TGM5: variants seen among roughly 807,000 people sequenced by gnomAD.
TGM5 encodes the protein protein-glutamine gamma-glutamyltransferase 5.
TGM5 carries 69 observed loss-of-function variants against 77.2 expected under a neutral mutation model. The ratio of observed to expected loss-of-function variants is 0.89; its 90% CI spans 0.74 to 1.09. The LOEUF (loss-of-function observed/expected upper bound fraction) is 1.09, where lower values mean the gene tolerates loss of function less well. Among genes scored for constraint, TGM5 ranks in the 50% least tolerant of loss-of-function variants. The pLI, the probability that TGM5 is intolerant of heterozygous loss-of-function variation, is 0.00. For missense variants in TGM5, 842 were observed against 896.5 expected, an observed-to-expected ratio of 0.94 and a Z score of 0.78; for synonymous variants, 346 against 351.8, an observed-to-expected ratio of 0.98 and a Z score of 0.18.
Position 43,239,158 on chromosome 15 carries a change from C to T in TGM5, c.1105+5G>A. On this transcript the variant is annotated splice_donor_5th_base_variant and intron_variant, in intron 8 of 12. Coordinates refer to ENST00000220420, the MANE Select transcript of TGM5 (RefSeq NM_201631.4). ...GGGGCCTGCCTTTCTTCTGGAGAGC[C>T]TCACCGTTGCTCATCTCCTGAGGTG... The T allele has an allele frequency of 6.2e-7, 1 of 1,614,116 alleles. No individual in the cohort carries two copies. Among genetic ancestry groups the T allele is most frequent in the Non-Finnish European group, 8.5e-7 (1 of 1,180,014 alleles).
Position 43,240,956 on chromosome 15 carries a change from G to T in TGM5, c.897C>A (p.Ile299=). ...TATCGTGGCCAGAGTCGAAGTTGGT[G>T]ATCACACGGGTAGGGATCCCCAGAC... ...MRCLGIPTRV[I]TNFDSGHDTD... Residue 299 remains isoleucine (I), a synonymous_variant, in exon 7 of 13, where the codon ATC becomes ATA. Coordinates refer to ENST00000220420, the MANE Select transcript of TGM5 (RefSeq NM_201631.4). The T allele has an allele frequency of 1.9e-6, 3 of 1,614,170 alleles. No individual in the cohort carries two copies. The highest frequency in any genetic ancestry group is 2.5e-6 in the Non-Finnish European group (3 of 1,180,028).
At chr15:43,249,147 A>AC (rs1438458212) in intron 6 of TGM5, among the ~76,000 whole-genome samples, 3 of 151,946 alleles carry the variant, frequency 2.0e-5, no homozygotes, top group Non-Finnish European at 4.4e-5. Flanking sequence ...ACACATTAGT[A>AC]CCTCCCAACC....
chr15:43,234,190 G>A (rs146030207), intron 11 of TGM5, among the ~76,000 whole-genome samples: 29 of 152,272 alleles, frequency 1.9e-4, no homozygotes, highest in African/African-American at 6.7e-4. Context: ...TTTCCCCACC[G>A]GAAGGGGCTC....
At chr15:43,238,717 T>C in intron 9 of TGM5, 100 bp downstream of exon 9, 2 of 1,537,010 alleles carry the variant, frequency 1.3e-6, no homozygotes, top group Non-Finnish European at 8.8e-7. Context: ...GAGGAGACAG[T>C]GGGGCTGGGT....
Position 43,240,988 on chromosome 15 carries a change from T to C in TGM5, c.865A>G (p.Met289Val). The change falls in exon 7 of 13, where the codon ATG (methionine) becomes GTG (valine). Residue 289 changes from methionine (M) to valine (V), a missense_variant and splice_region_variant. Coordinates refer to ENST00000220420, the MANE Select transcript of TGM5 (RefSeq NM_201631.4). The stretch of plus-strand genomic sequence containing the variant: ...CGGGTAGGGATCCCCAGACACCTCA[T>C]CACTGCAAAAAGGGCACAAAAAAAT... ...WVFAAVMCTV[M>V]RCLGIPTRVI... The C allele has an allele frequency of 6.2e-7, 1 of 1,614,116 alleles. No homozygotes were observed. The highest frequency in any genetic ancestry group is 8.5e-7 in the Non-Finnish European group (1 of 1,180,026).
chr15:43,243,998 C>T (rs1054005352), intron 6 of TGM5, among the ~76,000 whole-genome samples: 1 of 152,212 alleles, frequency 6.6e-6, no homozygotes, highest in Non-Finnish European at 1.5e-5. Context: ...AAACCCATGT[C>T]TCTCTGATCT....
At chr15:43,261,285 T>G (rs1001290195) in intron 1 of TGM5, among the ~76,000 whole-genome samples, 17 of 151,846 alleles carry the variant, frequency 1.1e-4, no homozygotes, top group Admixed American at 5.2e-4. Context: ...AAGACAGGGT[T>G]TCACCGTGTT....
chr15:43,234,488 T>C (rs1305368847), intron 11 of TGM5, among the ~76,000 whole-genome samples: 1 of 152,226 alleles, frequency 6.6e-6, no homozygotes, highest in Non-Finnish European at 1.5e-5. Flanking sequence ...ACTTTCCTTA[T>C]GTTGACCCAT....
intron 3 of TGM5, among the ~76,000 whole-genome samples, chr15:43,259,738 C>A (rs1036877886): frequency 7.9e-5 from 12 of 151,990 alleles, no homozygotes; most frequent in African/African-American, 2.4e-4. Context: ...GCATTCGTTC[C>A]TTTTATAACG....
Position 43,260,148 on chromosome 15 carries a change from G to T in TGM5, c.340C>A (p.Arg114=). 6.2e-7 allele frequency: 1 copy of T among 1,614,118 alleles called. No homozygotes were observed. Among genetic ancestry groups the T allele is most frequent in the South Asian group, 1.1e-5 (1 of 91,060 alleles). The change falls in exon 3 of 13, where the codon CGG becomes AGG. Residue 114 remains arginine, a synonymous_variant. Coordinates refer to ENST00000220420, the MANE Select transcript of TGM5 (RefSeq NM_201631.4). ...TCGATGTGGATTTTCAAGAGGTACC[G>T]ACCCACGGCCGCCGTGGGAGGAGCG... ...LCAPPTAAVG[R]YLLKIHIDSF... is the part of the protein sequence containing the mutation.
intron 6 of TGM5, among the ~76,000 whole-genome samples, chr15:43,242,390 A>G (rs1259399584): frequency 6.6e-6 from 1 of 151,638 alleles, no homozygotes; most frequent in Non-Finnish European, 1.5e-5. Context: ...TGAAACATTT[A>G]GTTGGTTTTC....
chr15:43,262,221 G>A (rs926867451), intron 1 of TGM5, among the ~76,000 whole-genome samples: 17 of 152,096 alleles, frequency 1.1e-4, no homozygotes, highest in African/African-American at 3.9e-4. Flanking sequence ...TACCTGAATC[G>A]CTCATCTGCT....
At chr15:43,255,206 T>G (rs577895089) in intron 4 of TGM5, among the ~76,000 whole-genome samples, 2 of 152,140 alleles carry the variant, frequency 1.3e-5, no homozygotes, top group South Asian at 4.1e-4. Context: ...TGGTGGGGCA[T>G]GCCTGTAGTC....
chr15:43,256,980 A>G (rs2042746527), intron 3 of TGM5, among the ~76,000 whole-genome samples: 1 of 152,248 alleles, frequency 6.6e-6, no homozygotes, highest in Non-Finnish European at 1.5e-5. Flanking sequence ...CAGAGTGATT[A>G]AGTAAATTGC....
In TGM5 at chr15:43,240,899, A is replaced by G. The variant is rs762272121; in HGVS notation, c.954T>C (p.Tyr318=). The change falls in exon 7 of 13, where the codon TAT becomes TAC. Residue 318 remains tyrosine, a synonymous_variant. Coordinates refer to ENST00000220420, the MANE Select transcript of TGM5 (RefSeq NM_201631.4). Reference sequence around the variant, plus strand: ...TCCCCAAAATCCTGCCTGTGTTGTCATAATACTCATCTATGATCAGGTTTC... The same window carrying G: ...TCCCCAAAATCCTGCCTGTGTTGTCGTAATACTCATCTATGATCAGGTTTC... ...TDGNLIIDEY[Y]DNTGRILGNK... The G allele has an allele frequency of 2.5e-6, 4 of 1,614,174 alleles. No individual in the cohort carries two copies. In the South Asian group the frequency reaches 3.3e-5, roughly 13 times the overall value.
At chr15:43,234,639 A>G in intron 11 of TGM5, 130 bp downstream of exon 11, 1 of 1,152,620 alleles carries the variant, frequency 8.7e-7, no homozygotes, top group Non-Finnish European at 1.3e-6. Flanking sequence ...TCCCTCCTGG[A>G]GCACCAGAAG....
At position 43,253,488 on chromosome 15, in the gene TGM5, G is replaced by A; in HGVS notation, c.684+18C>T. The A allele has an allele frequency of 6.2e-7, 1 of 1,609,322 alleles. No individual in the cohort carries two copies. Among genetic ancestry groups the A allele is most frequent in the Non-Finnish European group, 8.5e-7 (1 of 1,179,948 alleles). ...GCTGCACAGCTTCCTCCCTCCCCGG[G>A]CACGCCAGGGACCTCACCATGGCAC... On this transcript the variant is annotated intron_variant, in intron 5 of 12. Coordinates refer to ENST00000220420, the MANE Select transcript of TGM5 (RefSeq NM_201631.4).
At chr15:43,235,347 C>G in intron 10 of TGM5, 122 bp downstream of exon 10, 1 of 1,366,940 alleles carries the variant, frequency 7.3e-7, no homozygotes, top group Admixed American at 1.9e-5. Flanking sequence ...GGGAATCGTG[C>G]CAGAGGGGAC....
In TGM5 at chr15:43,234,294, A is replaced by G. The variant is rs112158037; in HGVS notation, c.1875+475T>C. 8.5e-3 allele frequency among the ~76,000 whole-genome samples: 1,290 copies of G among 152,264 alleles called. 6 individuals carry two copies. The highest frequency in any genetic ancestry group is 0.017 in the Middle Eastern group (5 of 294). ...ACCTTAAAATCTTCCCACTTGGAAG[A>G]CCGCAGAATGTCAGAGCAGGCGGGG... On this transcript the variant is annotated intron_variant, in intron 11 of 12. Coordinates refer to ENST00000220420, the MANE Select transcript of TGM5 (RefSeq NM_201631.4).
Sources: gnomAD v4.1 joint callset for allele counts (sites outside exome capture counted in the v4.1 genomes callset) on GRCh38, gnomAD v4.1.1 for gene constraint, MANE v1.5 for transcripts, NCBI Gene and HGNC (gene_info 2026-07-23, HGNC 2026-07-21) for gene names.